The following ZFHX3 variants were observed in gnomAD, a reference collection of about 807,000 sequenced individuals.
ZFHX3 encodes zinc finger homeobox protein 3.
Under a neutral mutation model 279.1 loss-of-function variants are expected in ZFHX3, and 42 were observed. The ratio of observed to expected loss-of-function variants is 0.15; its 90% CI spans 0.12 to 0.19. The LOEUF is 0.19. ZFHX3 is among the 10% of genes least tolerant of loss of function. The probability of loss-of-function intolerance (pLI) is 1.00; values close to 1 mark genes in which losing one functional copy is unlikely to be tolerated. For synonymous variants in ZFHX3, 2,293 were observed against 1,957.8 expected (o/e 1.17, Z -4.52); for missense variants, 4,981 against 4,754.0 (o/e 1.05, Z -1.40).
intron 4 of ZFHX3, among the ~76,000 whole-genome samples, chr16:73,290,760 C>T (rs375847250): frequency 3.3e-5 from 5 of 152,264 alleles, no homozygotes; most frequent in East Asian, 1.9e-4. Context: ...TAAGGTGCTT[C>T]GCAGAGCCAG....
chr16:73,416,859 G>C (rs1452082759), intron 3 of ZFHX3, among the ~76,000 whole-genome samples: 1 of 151,750 alleles, frequency 6.6e-6, no homozygotes, highest in Non-Finnish European at 1.5e-5. Context: ...GGGCGACAGA[G>C]CGAGACTCCG....
At chr16:73,309,768 G>C (rs180752084) in intron 4 of ZFHX3, among the ~76,000 whole-genome samples, 4 of 152,298 alleles carry the variant, frequency 2.6e-5, no homozygotes, top group African/African-American at 9.6e-5. Context: ...ATGCTTAACA[G>C]AGGAACAAGA....
rs1249015611 is a variant in ZFHX3 at position 73,873,033 on chromosome 16, G to A, written c.-1608+18618C>T. ...TGGTGGGTGGCGGGTGGTGAGTGGC[G>A]GTGGTGGTGGATGGTGGTGGCGGTG... On this transcript the variant is annotated intron_variant, in intron 1 of 17. Transcript: ENST00000641206. Among the ~76,000 whole-genome samples the A allele has an allele frequency of 1.5e-4, 4 of 26,466 alleles. No individual in the cohort carries two copies. In the East Asian group the frequency reaches 3.3e-3, roughly 22 times the overall value. 17.4% of individuals were successfully genotyped at this position (26,466 alleles called of 152,430 possible).
intron 2 of ZFHX3, among the ~76,000 whole-genome samples, chr16:73,584,907 A>G (rs950380990): frequency 2.6e-5 from 4 of 152,218 alleles, no homozygotes; most frequent in African/African-American, 9.6e-5. Context: ...GAAACCCATT[A>G]AAAAGTTGGC....
intron 1 of ZFHX3, among the ~76,000 whole-genome samples, chr16:73,041,830 A>G (rs773267178): frequency 4.6e-5 from 7 of 152,240 alleles, no homozygotes; most frequent in Non-Finnish European, 1.0e-4. Context: ...TACATTAAGA[A>G]CCAAGGCCTT....
rs562830038 is a variant in ZFHX3, at chr16:72,962,095, G to A, written c.-49-1901C>T. On this transcript the variant is annotated intron_variant, in intron 1 of 9. Coordinates refer to ENST00000268489, the MANE Select transcript of ZFHX3 (RefSeq NM_006885.4). ...GAAGGGGCGGGAGGGTTAACAGCCC[G>A]ATTGTAAAATCAATGTCATAAATGC... is the stretch of plus-strand genomic sequence containing the variant. Among the ~76,000 whole-genome samples the A allele has an allele frequency of 1.2e-4, 18 of 152,270 alleles. No homozygotes were observed. The South Asian group carries it at 2.9e-3, about 25-fold the overall frequency.
At position 72,829,862 on chromosome 16, in the gene ZFHX3, G is replaced by C. The variant is rs1451408469; in HGVS notation, c.3449-3C>G. 5.0e-6 allele frequency: 8 copies of C among 1,614,012 alleles called. No homozygotes were observed. The highest frequency in any genetic ancestry group is 6.8e-6 in the Non-Finnish European group (8 of 1,180,016). Reference sequence around the variant, plus strand: ...TTCAACATCTTCAATGGCTTCTTCTGAAACAGAAGAAAAACATGTCAAGGG... The same window carrying C: ...TTCAACATCTTCAATGGCTTCTTCTCAAACAGAAGAAAAACATGTCAAGGG... On this transcript the variant is annotated splice_polypyrimidine_tract_variant and splice_region_variant and intron_variant, in intron 4 of 9. Transcript: ENST00000268489.
chr16:73,869,216 C>G (rs1274142582), intron 1 of ZFHX3, among the ~76,000 whole-genome samples: 1 of 152,184 alleles, frequency 6.6e-6, no homozygotes, highest in African/African-American at 2.4e-5. Flanking sequence ...CATAGTAGAG[C>G]AACCTACAGG....
intron 9 of ZFHX3, chr16:72,791,287 T>G (rs1389015323): frequency 5.3e-5 from 8 of 152,248 alleles, no homozygotes; most frequent in Non-Finnish European, 1.0e-4. Flanking sequence ...AACACAAGTT[T>G]GTTCCTTCCC....
At chr16:72,844,312 G>A (rs927991946) in intron 4 of ZFHX3, among the ~76,000 whole-genome samples, 1 of 151,954 alleles carries the variant, frequency 6.6e-6, no homozygotes. Flanking sequence ...GCCTCTCCTC[G>A]CTCCAAATAA....
At chr16:73,129,865 T>C (rs192699135) in intron 7 of ZFHX3, among the ~76,000 whole-genome samples, 80 of 152,236 alleles carry the variant, frequency 5.3e-4, no homozygotes, top group Admixed American at 2.6e-3. Flanking sequence ...ATAAACTTCA[T>C]TCCTTTAGGT....
chr16:73,017,403 G>A (rs1348709921), intron 1 of ZFHX3, among the ~76,000 whole-genome samples: 1 of 152,082 alleles, frequency 6.6e-6, no homozygotes, highest in South Asian at 2.1e-4. Context: ...GCCTTAGGAG[G>A]AGGAATACTT....
chr16:73,800,981 C>T (rs901767225), intron 1 of ZFHX3, among the ~76,000 whole-genome samples: 1 of 152,146 alleles, frequency 6.6e-6, no homozygotes, highest in Non-Finnish European at 1.5e-5. Flanking sequence ...ACGTGAGGCT[C>T]CTCCCTTTAG....
intron 3 of ZFHX3, among the ~76,000 whole-genome samples, chr16:73,446,404 G>A (rs1038750417): frequency 2.0e-5 from 3 of 152,194 alleles, no homozygotes; most frequent in African/African-American, 7.2e-5. Flanking sequence ...GAGAAGTGCA[G>A]AGTGAAGCTG....
chr16:73,603,242 G>A (rs1410855994), intron 2 of ZFHX3, among the ~76,000 whole-genome samples: 5 of 145,794 alleles, frequency 3.4e-5, no homozygotes, highest in African/African-American at 7.6e-5. Flanking sequence ...CCAAGATTGC[G>A]ACACTGCACT....
At chr16:73,364,045 T>C (rs1197048336) in intron 3 of ZFHX3, among the ~76,000 whole-genome samples, 2 of 152,018 alleles carry the variant, frequency 1.3e-5, no homozygotes, top group Non-Finnish European at 2.9e-5. Context: ...TGGTGACGCA[T>C]GCCTGTCATC....
chr16:72,906,189 T>TG (rs1411323484), intron 3 of ZFHX3, among the ~76,000 whole-genome samples: 1 of 151,894 alleles, frequency 6.6e-6, no homozygotes, highest in Admixed American at 6.6e-5. Flanking sequence ...CCTAGTGGAA[T>TG]GAGACTGGAA....
intron 1 of ZFHX3, among the ~76,000 whole-genome samples, chr16:73,848,060 A>G (rs750215110): frequency 5.3e-5 from 8 of 151,830 alleles, no homozygotes; most frequent in Non-Finnish European, 8.8e-5. Flanking sequence ...CGCCCGGCCA[A>G]TATTTATTAG....
intron 3 of ZFHX3, among the ~76,000 whole-genome samples, chr16:73,361,660 C>G (rs949786087): frequency 1.1e-4 from 17 of 152,184 alleles, no homozygotes; most frequent in African/African-American, 3.9e-4. Flanking sequence ...TCTCCTTCCC[C>G]CCACTGTAAA....
Sources: gnomAD v4.1 joint callset for allele counts (sites outside exome capture counted in the v4.1 genomes callset) on GRCh38, gnomAD v4.1.1 for gene constraint, MANE v1.5 for transcripts, NCBI Gene and HGNC (gene_info 2026-07-23, HGNC 2026-07-21) for gene names.